CCDC171: variants seen among roughly 807,000 people sequenced by gnomAD.
CCDC171 encodes coiled-coil domain containing 171.
Under a neutral mutation model 168.2 loss-of-function variants are expected in CCDC171, and 177 were observed. The observed-to-expected ratio is 1.05, with a 90% confidence interval of 0.93 to 1.19. CCDC171 has a LOEUF of 1.19. Among genes scored for constraint, CCDC171 ranks in the 50% most tolerant of loss-of-function variants. CCDC171 has a pLI of 0.00. For missense variants in CCDC171, 1,991 were observed against 1,539.0 expected (o/e 1.29, Z -4.91); for synonymous variants, 687 against 540.8 (o/e 1.27, Z -3.75).
At chr9:16,075,137 A>G in the CCDC171 span, among the ~76,000 whole-genome samples, 1 of 151,828 alleles carries the variant, frequency 6.6e-6, no homozygotes, top group Non-Finnish European at 1.5e-5. Flanking sequence ...TCCTTCTTAG[A>G]CTCCTACTAT....
intron 7 of CCDC171, among the ~76,000 whole-genome samples, chr9:15,655,374 A>C (rs2047850118): frequency 6.6e-6 from 1 of 152,132 alleles, no homozygotes; most frequent in South Asian, 2.1e-4. Flanking sequence ...GACATGCTGG[A>C]TGTTCCCATA....
At chr9:15,663,960 C>G (rs2048523938) in intron 8 of CCDC171, among the ~76,000 whole-genome samples, 1 of 152,120 alleles carries the variant, frequency 6.6e-6, no homozygotes, top group Non-Finnish European at 1.5e-5. Flanking sequence ...ATGTATTTTA[C>G]AGCAACATGG....
chr9:15,627,655 T>C (rs895190894), intron 7 of CCDC171, among the ~76,000 whole-genome samples: 2 of 152,254 alleles, frequency 1.3e-5, no homozygotes, highest in Non-Finnish European at 2.9e-5. Flanking sequence ...TCCTGAGTTC[T>C]AGTTTGAATG....
At chr9:15,885,727 A>G (rs1180833953) in intron 24 of CCDC171, 1 of 152,156 alleles carries the variant, frequency 6.6e-6, no homozygotes, top group Non-Finnish European at 1.5e-5. Context: ...GCTTATATAA[A>G]CTGACCCCGA....
At chr9:16,070,633 A>T in the CCDC171 span, among the ~76,000 whole-genome samples, 4 of 152,194 alleles carry the variant, frequency 2.6e-5, no homozygotes, top group African/African-American at 9.6e-5. Context: ...CAGACTCACA[A>T]CTAAGGCAGG....
chr9:15,824,352 TAA>T (rs2059924652), intron 21 of CCDC171, among the ~76,000 whole-genome samples: 1 of 151,990 alleles, frequency 6.6e-6, no homozygotes, highest in Non-Finnish European at 1.5e-5. Context: ...TTTTATATGT[TAA>T]TATATATGTG....
downstream of CCDC171, among the ~76,000 whole-genome samples, chr9:16,061,862 C>T (rs1586872269): frequency 6.6e-6 from 1 of 152,212 alleles, no homozygotes; most frequent in East Asian, 1.9e-4. Context: ...AAGTGGTGTG[C>T]CGGCAAACAG....
At chr9:16,070,366 C>G in the CCDC171 span, among the ~76,000 whole-genome samples, 1 of 152,130 alleles carries the variant, frequency 6.6e-6, no homozygotes, top group African/African-American at 2.4e-5. Context: ...GGAAAAAGTA[C>G]CTGCTGGGAA....
At chr9:15,957,170 C>T (rs561138018) in intron 25 of CCDC171, among the ~76,000 whole-genome samples, 1 of 151,924 alleles carries the variant, frequency 6.6e-6, no homozygotes, top group Non-Finnish European at 1.5e-5. Flanking sequence ...AAACATCTTG[C>T]TGTGTGTGAG....
chr9:15,900,037 A>G (rs919610895), intron 24 of CCDC171, among the ~76,000 whole-genome samples: 2 of 152,146 alleles, frequency 1.3e-5, no homozygotes, highest in African/African-American at 4.8e-5. Context: ...TGGTATAAGG[A>G]GTGTTTCAGG....
intron 7 of CCDC171, among the ~76,000 whole-genome samples, chr9:15,634,073 C>G (rs1439043964): frequency 4.6e-5 from 7 of 151,996 alleles, no homozygotes; most frequent in Admixed American, 3.3e-4. Context: ...ACACCTAATG[C>G]TAAATGATGA....
chr9:16,016,043 C>T (rs1471031058), intron 3 of CCDC171, among the ~76,000 whole-genome samples: 1 of 152,152 alleles, frequency 6.6e-6, no homozygotes, highest in East Asian at 1.9e-4. Flanking sequence ...GTTGCTTCCA[C>T]CTTTGGCTAT....
At chr9:15,553,972 G>C (rs1047174446) in intron 1 of CCDC171, among the ~76,000 whole-genome samples, 1 of 151,368 alleles carries the variant, frequency 6.6e-6, no homozygotes, top group Admixed American at 6.6e-5. Context: ...ATGACATACC[G>C]ATGTTTTATG....
At chr9:15,763,872 A>C (rs1588364470) in intron 18 of CCDC171, among the ~76,000 whole-genome samples, 1 of 152,174 alleles carries the variant, frequency 6.6e-6, no homozygotes, top group South Asian at 2.1e-4. Flanking sequence ...TCTGATGTGA[A>C]TATTCATATA....
the CCDC171 span, among the ~76,000 whole-genome samples, chr9:16,088,496 T>G: frequency 1.3e-5 from 2 of 152,208 alleles, no homozygotes; most frequent in African/African-American, 4.8e-5. Context: ...AAAATCTCCT[T>G]AAGCTGATAA....
At chr9:15,902,079 A>G (rs1447442014) in intron 24 of CCDC171, among the ~76,000 whole-genome samples, 1 of 152,170 alleles carries the variant, frequency 6.6e-6, no homozygotes, top group Admixed American at 6.5e-5. Context: ...TTCTAGCTAG[A>G]AGATATTAAA....
At chr9:15,793,557 T>TTTTTTTTTTTG in intron 21 of CCDC171, among the ~76,000 whole-genome samples, 1 of 43,820 alleles carries the variant, frequency 2.3e-5, no homozygotes, top group African/African-American at 5.3e-5. Context: ...CAAGGTTTTT[T>TTTTTTTTTTTG]TTTTTTTTTT....
intron 21 of CCDC171, among the ~76,000 whole-genome samples, chr9:15,838,812 C>G (rs1007500999): frequency 1.3e-5 from 2 of 152,152 alleles, no homozygotes; most frequent in African/African-American, 2.4e-5. Context: ...TAAGATCTCC[C>G]TAACTAGGAA....
chr9:15,800,281 C>G (rs2058756780), intron 21 of CCDC171, among the ~76,000 whole-genome samples: 1 of 151,930 alleles, frequency 6.6e-6, no homozygotes, highest in Admixed American at 6.6e-5. Context: ...ATTTGTTACT[C>G]CCTGTCTTTA....
Sources: allele counts gnomAD v4.1 joint callset (sites outside exome capture counted in the v4.1 genomes callset), GRCh38; gene constraint gnomAD v4.1.1; transcripts MANE v1.5; gene names NCBI Gene and HGNC (gene_info 2026-07-23, HGNC 2026-07-21).